The following SIPA1 variants were observed in gnomAD, a reference collection of about 807,000 sequenced individuals.
The protein encoded by SIPA1 is signal-induced proliferation-associated protein 1.
SIPA1 carries 51 observed loss-of-function variants against 88.1 expected under a neutral mutation model. The ratio of observed to expected loss-of-function variants is 0.58; its 90% CI spans 0.46 to 0.73. SIPA1 has a LOEUF of 0.73. Among genes scored for constraint, SIPA1 ranks in the 30% least tolerant of loss-of-function variants. The pLI is 0.00. For synonymous variants in SIPA1, 681 were observed against 664.8 expected (o/e 1.02, Z -0.37); for missense variants, 1,348 against 1,467.6 (o/e 0.92, Z 1.33).
chr11:65,641,184 TCTTCAC>T lies in SIPA1; in HGVS notation c.264_269del (p.Phe89_Thr90del). Reference sequence around the variant, plus strand: ...CGACCTGCAGCCACTTCCACCCGGCTCTTCACTGACCCGCTGGCACTGCTGGGGCTG... The same window carrying T: ...CGACCTGCAGCCACTTCCACCCGGCTTGACCCGCTGGCACTGCTGGGGCTG... On this transcript the variant is annotated inframe_deletion, in exon 2 of 16. Transcript: ENST00000534313. The T allele has an allele frequency of 5.0e-6, 8 of 1,610,814 alleles. No individual in the cohort carries two copies. The highest frequency in any genetic ancestry group is 6.8e-6 in the Non-Finnish European group (8 of 1,179,960).
chr11:65,642,196 G>C lies in SIPA1; in HGVS notation c.680-54G>C. ...CTTAGTGATGCGCGTGGTCGAGCGG[G>C]GGCGGGGCTGCCAGAGGGCGGGACC... On this transcript the variant is annotated intron_variant, in intron 2 of 15. Transcript: ENST00000534313. This position sits in a 1 kb window ranked among gnomAD's most constrained non-coding sequence, Gnocchi z 6.5. 1 of 1,534,976 alleles carries C rather than the reference G, an allele frequency of 6.5e-7. No individual in the cohort carries two copies. Among genetic ancestry groups the C allele is most frequent in the Non-Finnish European group, 8.8e-7 (1 of 1,142,712 alleles).
rs944533424 is a variant in SIPA1, at chr11:65,642,972, A to G, written c.984+333A>G. Reference sequence around the variant, plus strand: ...GCTCTGTCACCCAGGCTGGAGTGCAATGGTGGAATCTCAGCTCACTGCAAC... The same window carrying G: ...GCTCTGTCACCCAGGCTGGAGTGCAGTGGTGGAATCTCAGCTCACTGCAAC... On this transcript the variant is annotated intron_variant, in intron 4 of 15. Transcript: ENST00000534313. This position sits in a 1 kb window ranked among gnomAD's most constrained non-coding sequence, Gnocchi z 6.5. Among the ~76,000 whole-genome samples the G allele has an allele frequency of 2.0e-5, 3 of 151,850 alleles. No homozygotes were observed.
Position 65,642,568 on chromosome 11 carries a change from C to G in SIPA1, c.913C>G (p.Pro305Ala), listed in dbSNP as rs1386891146. 1 of 1,600,602 alleles carries G rather than the reference C, an allele frequency of 6.2e-7. No homozygotes were observed. The highest frequency in any genetic ancestry group is 8.5e-7 in the Non-Finnish European group (1 of 1,177,804). Residue 305 changes from proline to alanine, a missense_variant, in exon 4 of 16, where the codon CCC becomes GCC. Around this residue, in one of 4 missense-constraint regions of SIPA1, gnomAD observed 641 missense variants for 797.7 expected, o/e 0.80. Coordinates refer to ENST00000534313, the MANE Select transcript of SIPA1 (RefSeq NM_006747.4). This position sits in a 1 kb window ranked among gnomAD's most constrained non-coding sequence, Gnocchi z 6.5. ...GGAGCACGTGGCGCCGCAGCTGAGC[C>G]CCAGCTGCCTGCGCCTGGGCTCAGC... ...LLEHVAPQLS[P>A]SCLRLGSASP...
chr11:65,638,116 A>T lies in SIPA1; in HGVS notation c.-158A>T, dbSNP rs1855931938. ...GCCCCCAGGCGGAGCCGGCGCCGGG[A>T]GCGGTAGCGGGAGAGCGGCAGCGGG... On this transcript the variant is annotated 5_prime_UTR_variant, in exon 1 of 16. Coordinates refer to ENST00000534313, the MANE Select transcript of SIPA1 (RefSeq NM_006747.4). The T allele has an allele frequency of 6.6e-6, 1 of 151,548 alleles. No individual in the cohort carries two copies. Among genetic ancestry groups the T allele is most frequent in the Admixed American group, 6.6e-5 (1 of 15,198 alleles). 9.4% of individuals were successfully genotyped at this position (151,548 alleles called of 1,614,324 possible).
rs755346016 is a variant in SIPA1 at position 65,649,815 on chromosome 11, G to A, written c.2696G>A (p.Arg899Lys). 6.2e-7 allele frequency: 1 copy of A among 1,614,088 alleles called. No individual in the cohort carries two copies. Among genetic ancestry groups the A allele is most frequent in the African/African-American group, 1.3e-5 (1 of 75,046 alleles). Residue 899 changes from arginine to lysine, a missense_variant, in exon 12 of 16, where the codon AGG becomes AAG. Around this residue, in one of 4 missense-constraint regions of SIPA1, gnomAD observed 615 missense variants for 559.8 expected, o/e 1.10. Transcript: ENST00000534313. ...AAGGGCAACCCGGCGCCGGAGCTGA[G>A]GGCCTCCTTTCTGCCACGTACCTTG... ...EDKGNPAPELRASFLPRTLSL... is the reference protein window; with the variant it reads ...EDKGNPAPELKASFLPRTLSL...
In SIPA1 at chr11:65,647,631, C is replaced by A; in HGVS notation, c.2279C>A (p.Pro760His). 7.2e-7 allele frequency: 1 copy of A among 1,395,876 alleles called. No individual in the cohort carries two copies. 86.5% of individuals were successfully genotyped at this position (1,395,876 alleles called of 1,614,324 possible). ...SAPKVCVTVL[P>H]PDESGRPRRS... ...CCCAAGGTCTGCGTCACCGTCCTGC[C>A]CCCCGACGAGAGCGGCCGGCCCCGC... is the stretch of plus-strand genomic sequence containing the variant. The change falls in exon 9 of 16, where the codon CCC becomes CAC. Residue 760 changes from proline to histidine, a missense_variant. Transcript: ENST00000534313.
Position 65,650,709 on chromosome 11 carries a change from G to A in SIPA1, c.3123G>A (p.Leu1041=), listed in dbSNP as rs1856252993. The A allele has an allele frequency of 6.4e-7, 1 of 1,573,988 alleles. No individual in the cohort carries two copies. Among genetic ancestry groups the A allele is most frequent in the Non-Finnish European group, 8.6e-7 (1 of 1,159,844 alleles). ...SKQLGSPTAD[L]A ...AGCTGGGCTCACCCACCGCCGACCT[G>A]GCCTGAGCCGTCTGGAACCACCTGG... The change falls in exon 16 of 16, where the codon CTG becomes CTA. Residue 1041 remains leucine (L), a synonymous_variant. Transcript: ENST00000534313.
At position 65,649,682 on chromosome 11, in the gene SIPA1, A is replaced by C; in HGVS notation, c.2637+10A>C. 1 of 1,614,070 alleles carries C rather than the reference A, an allele frequency of 6.2e-7. No individual in the cohort carries two copies. Among genetic ancestry groups the C allele is most frequent in the Non-Finnish European group, 8.5e-7 (1 of 1,180,018 alleles). On this transcript the variant is annotated intron_variant, in intron 11 of 15. Coordinates refer to ENST00000534313, the MANE Select transcript of SIPA1 (RefSeq NM_006747.4). ...GACACCCCTGACCCAGGTGAGCAGA[A>C]ACCAGGCTCTGGAGCCCAACAGCAC...
chr11:65,647,598 G>T lies in SIPA1; in HGVS notation c.2246G>T (p.Arg749Leu). 7.2e-7 allele frequency: 1 copy of T among 1,395,714 alleles called. No individual in the cohort carries two copies. Among genetic ancestry groups the T allele is most frequent in the East Asian group, 3.3e-5 (1 of 30,318 alleles). The allele number at this position is 1,395,714 out of a possible 1,614,324, so 86.5% of individuals were successfully genotyped here. The change falls in exon 9 of 16, where the codon CGC (arginine) becomes CTC (leucine). Residue 749 changes from arginine to leucine, a missense_variant. Physicochemically the swap from Arg to Leu is moderately radical, Grantham distance 102. Around this residue, in one of 4 missense-constraint regions of SIPA1, gnomAD observed 615 missense variants for 559.8 expected, o/e 1.10. Transcript: ENST00000534313. ...LRPEAAAQLL[R>L]SAPKVCVTVL... ...CCCGAGGCCGCTGCCCAGCTCCTGC[G>T]CTCGGCGCCCAAGGTCTGCGTCACC...
chr11:65,647,957 C>T (rs1471074175), intron 9 of SIPA1, among the ~76,000 whole-genome samples: 1 of 151,836 alleles, frequency 6.6e-6, no homozygotes, highest in Non-Finnish European at 1.5e-5. Flanking sequence ...CTGCAACATC[C>T]GCCTCCCAGG....
chr11:65,646,085 C>A lies in SIPA1; in HGVS notation c.1263+128C>A. ...AGCCCGCCCCTCTGGTGGCCCCTTC[C>A]CAAAGACAGAAACACCCTAGGTCTT... is the stretch of plus-strand genomic sequence containing the variant. On this transcript the variant is annotated intron_variant, in intron 6 of 15. Transcript: ENST00000534313. This position sits in a 1 kb window ranked among gnomAD's most constrained non-coding sequence, Gnocchi z 7.5. 1.5e-6 allele frequency: 2 copies of A among 1,318,232 alleles called. No homozygotes were observed. The highest frequency in any genetic ancestry group is 1.3e-5 in the South Asian group (1 of 76,302). 81.7% of individuals were successfully genotyped at this position (1,318,232 alleles called of 1,614,324 possible). A position where few individuals can be genotyped will look rare whatever the true frequency, so the allele number is the denominator to read the frequency against.
In SIPA1 at chr11:65,646,981, G is replaced by A. The variant is rs532681889; in HGVS notation, c.1947G>A (p.Leu649=). 1.0e-3 allele frequency: 1,545 copies of A among 1,540,260 alleles called. 27 individuals are homozygous for A. In the South Asian group the frequency reaches 0.017, roughly 17 times the overall value. ...CCTTCTCCGAGCAGCAGCTGGACCTGTACCACGGCCGCGGGGAGGCGATCA... is the reference window on the plus strand; with the variant it reads ...CCTTCTCCGAGCAGCAGCTGGACCTATACCACGGCCGCGGGGAGGCGATCA... ...AWTFSEQQLD[L]YHGRGEAITL... is the part of the protein sequence containing the mutation. Residue 649 remains leucine (L), a synonymous_variant, in exon 8 of 16, where the codon CTG becomes CTA. Coordinates refer to ENST00000534313, the MANE Select transcript of SIPA1 (RefSeq NM_006747.4). This position sits in a 1 kb window ranked among gnomAD's most constrained non-coding sequence, Gnocchi z 7.5.
Position 65,649,266 on chromosome 11 carries a change from T to G in SIPA1, c.2311T>G (p.Phe771Val). The G allele has an allele frequency of 6.6e-7, 1 of 1,517,712 alleles. No homozygotes were observed. The allele number at this position is 1,517,712 out of a possible 1,614,324, so 94.0% of individuals were successfully genotyped here. ...PDESGRPRRS[F>V]SELYTLSLQE... ...TGACCCTGTCCCACCCCACAGGAGT[T>G]TTTCGGAGCTGTACACGCTGTCGCT... Residue 771 changes from phenylalanine to valine, a missense_variant, in exon 10 of 16, where the codon TTT (phenylalanine) becomes GTT (valine). Coordinates refer to ENST00000534313, the MANE Select transcript of SIPA1 (RefSeq NM_006747.4).
Position 65,646,177 on chromosome 11 carries a change from G to A in SIPA1, c.1264-44G>A, listed in dbSNP as rs937284311. On this transcript the variant is annotated intron_variant, in intron 6 of 15. Transcript: ENST00000534313. This position sits in a 1 kb window ranked among gnomAD's most constrained non-coding sequence, Gnocchi z 7.5. Reference sequence around the variant, plus strand: ...CCTGCCTGAATGAGGAGGGGTTTGGGGCACAGAAGACCTCATCACGAGCCC... The same window carrying A: ...CCTGCCTGAATGAGGAGGGGTTTGGAGCACAGAAGACCTCATCACGAGCCC... 6.2e-7 allele frequency: 1 copy of A among 1,603,070 alleles called. No individual in the cohort carries two copies. Among genetic ancestry groups the A allele is most frequent in the Non-Finnish European group, 8.5e-7 (1 of 1,173,852 alleles).
chr11:65,640,795 G>A, intron 1 of SIPA1, 36 bp from the exon 2 acceptor site: 2 of 845,606 alleles, frequency 2.4e-6, no homozygotes, highest in Non-Finnish European at 3.4e-6. Context: ...CCTGTTTTCT[G>A]CCCAGGCCCC....
rs959726762 is a variant in SIPA1, at chr11:65,650,389, C to A, written c.2904-12C>A. 4 of 1,613,690 alleles carry A rather than the reference C, an allele frequency of 2.5e-6. No homozygotes were observed. The African/African-American group carries it at 5.3e-5, about 22-fold the overall frequency. ...CCTTGGTCCTGCTGAGTCTTGACCC[C>A]CATGTCTTCAGGCCAGAGCCTGGGA... On this transcript the variant is annotated splice_polypyrimidine_tract_variant and intron_variant, in intron 14 of 15. Coordinates refer to ENST00000534313, the MANE Select transcript of SIPA1 (RefSeq NM_006747.4).
Position 65,645,079 on chromosome 11 carries a change from T to C in SIPA1, c.1109T>C (p.Val370Ala), listed in dbSNP as rs1371279172. The C allele has an allele frequency of 6.2e-7, 1 of 1,614,008 alleles. No individual in the cohort carries two copies. The highest frequency in any genetic ancestry group is 8.5e-7 in the Non-Finnish European group (1 of 1,179,930). The change falls in exon 5 of 16, where the codon GTG becomes GCG. Residue 370 changes from valine to alanine, a missense_variant. Transcript: ENST00000534313. ...FMQFLTLLGD[V>A]VRLKGFESYR... ...CAGTTTCTCACCTTGCTGGGCGATG[T>C]GGTGCGGCTCAAAGGCTTTGAGAGT...
Position 65,641,587 on chromosome 11 carries a change from C to A in SIPA1, c.666C>A (p.Tyr222Ter), listed in dbSNP as rs1312550486. The A allele has an allele frequency of 6.2e-7, 1 of 1,607,150 alleles. No individual in the cohort carries two copies. The highest frequency in any genetic ancestry group is 1.7e-5 in the Admixed American group (1 of 59,762). Reference protein sequence around the residue: ...ADLGAGYYRKYFYGKEHQNFF... With the variant: ...ADLGAGYYRK ...TGGGTGCTGGCTACTACCGCAAATA[C>A]TTCTATGGCAAAGGTGAGGAAAGGC... The change falls in exon 2 of 16, where the codon TAC (tyrosine) becomes TAA (stop). Residue 222 changes from tyrosine (Y) to a stop codon, truncating the protein, a stop_gained. Coordinates refer to ENST00000534313, the MANE Select transcript of SIPA1 (RefSeq NM_006747.4). LOFTEE classifies it high-confidence loss of function.
rs1039908263 is a variant in SIPA1 at position 65,642,166 on chromosome 11, C to T, written c.680-84C>T. ...TTTGGTGGTGAGATGAAGCCTAGGG[C>T]GGGGCTTAGTGATGCGCGTGGTCGA... On this transcript the variant is annotated intron_variant, in intron 2 of 15. Coordinates refer to ENST00000534313, the MANE Select transcript of SIPA1 (RefSeq NM_006747.4). The surrounding 1 kb of genome is among the most constrained non-coding windows in gnomAD (Gnocchi z 6.5). The T allele has an allele frequency of 5.3e-6, 8 of 1,507,840 alleles. No homozygotes were observed. Among genetic ancestry groups the T allele is most frequent in the South Asian group, 1.2e-5 (1 of 80,430 alleles). 93.4% of individuals were successfully genotyped at this position (1,507,840 alleles called of 1,614,324 possible).
Sources: gnomAD v4.1 joint callset for allele counts (sites outside exome capture counted in the v4.1 genomes callset) on GRCh38, gnomAD v4.1.1 for gene constraint, gnomAD v4.1.1 regional missense constraint, Gnocchi (gnomAD v3.1) non-coding constraint, MANE v1.5 for transcripts, NCBI Gene and HGNC (gene_info 2026-07-23, HGNC 2026-07-21) for gene names.